Variants in UVRAG observed in about 807,000 individuals in gnomAD.
UVRAG encodes UV radiation resistance associated, also known as UV radiation resistance-associated gene protein.
Under a neutral mutation model 78.0 loss-of-function variants are expected in UVRAG, and 19 were observed. The observed-to-expected ratio is 0.24, with a 90% confidence interval of 0.17 to 0.36. The LOEUF (loss-of-function observed/expected upper bound fraction) is 0.36, where lower values mean the gene tolerates loss of function less well. Ranked by LOEUF, UVRAG falls within the 10% of genes least tolerant of loss-of-function variation. The pLI, the probability that UVRAG is intolerant of heterozygous loss-of-function variation, is 1.00. For synonymous variants in UVRAG, 323 were observed against 324.6 expected (o/e 1.00, Z 0.05); for missense variants, 740 against 853.8 (o/e 0.87, Z 1.66).
At chr11:75,893,066 T>C (rs1947253381) in intron 5 of UVRAG, among the ~76,000 whole-genome samples, 1 of 150,970 alleles carries the variant, frequency 6.6e-6, no homozygotes, top group Admixed American at 6.6e-5. Context: ...TAATCCCAGC[T>C]ACTCTGAGGC....
At chr11:75,947,766 C>A (rs755722817) in intron 6 of UVRAG, among the ~76,000 whole-genome samples, 10 of 152,096 alleles carry the variant, frequency 6.6e-5, no homozygotes, top group Non-Finnish European at 8.8e-5. Flanking sequence ...GTGATTCTGC[C>A]ACTTACCAGC....
intron 2 of UVRAG, among the ~76,000 whole-genome samples, chr11:75,852,955 G>A (rs1946189016): frequency 6.6e-6 from 1 of 152,138 alleles, no homozygotes; most frequent in Non-Finnish European, 1.5e-5. Context: ...CTGTCAGCCA[G>A]GCTAGAGTAC....
intron 12 of UVRAG, among the ~76,000 whole-genome samples, chr11:76,035,275 CTG>C (rs1950512975): frequency 6.6e-6 from 1 of 152,084 alleles, no homozygotes; most frequent in Non-Finnish European, 1.5e-5. Flanking sequence ...ATTCTGGTTT[CTG>C]TATTGGTGGT....
chr11:76,099,027 C>T (rs927040635), intron 13 of UVRAG, among the ~76,000 whole-genome samples: 1 of 152,148 alleles, frequency 6.6e-6, no homozygotes, highest in African/African-American at 2.4e-5. Context: ...CACTCACTGG[C>T]CTCCTTTCCC....
intron 6 of UVRAG, among the ~76,000 whole-genome samples, chr11:75,948,709 A>G (rs1351359041): frequency 6.6e-6 from 1 of 152,176 alleles, no homozygotes; most frequent in Non-Finnish European, 1.5e-5. Context: ...CTAGAAGTAC[A>G]TATATGTTAA....
chr11:76,110,230 A>ATG lies in UVRAG; in HGVS notation c.1306-5692_1306-5691dup, dbSNP rs1370810316. Among the ~76,000 whole-genome samples the ATG allele has an allele frequency of 2.7e-5, 4 of 149,954 alleles. No homozygotes were observed. The East Asian group carries it at 7.8e-4, about 29-fold the overall frequency. ...CTGGTACATATATATATATATATAT[A>ATG]TGTATTAGTAATGATAACAGGTATT... On this transcript the variant is annotated intron_variant, in intron 13 of 14. Coordinates refer to ENST00000356136, the MANE Select transcript of UVRAG (RefSeq NM_003369.4).
Position 76,140,797 on chromosome 11 carries a change from G to T in UVRAG, c.1484G>T (p.Gly495Val). ...FGGADVGFSG[G>V]IPSPDKGHRK... Reference sequence around the variant, plus strand: ...GGTGCAGATGTAGGCTTCTCTGGGGGGATCCCTTCACCAGACAAAGGACAT... The same window carrying T: ...GGTGCAGATGTAGGCTTCTCTGGGGTGATCCCTTCACCAGACAAAGGACAT... The change falls in exon 15 of 15, where the codon GGG (glycine) becomes GTG (valine). Residue 495 changes from glycine to valine, a missense_variant. Physicochemically the swap from Gly to Val is moderately radical, Grantham distance 109 (BLOSUM62 -3). Coordinates refer to ENST00000356136, the MANE Select transcript of UVRAG (RefSeq NM_003369.4). 3 of 1,614,012 alleles carry T rather than the reference G, an allele frequency of 1.9e-6. No homozygotes were observed. The highest frequency in any genetic ancestry group is 1.7e-6 in the Non-Finnish European group (2 of 1,179,986).
intron 5 of UVRAG, among the ~76,000 whole-genome samples, chr11:75,905,942 C>T (rs1947605538): frequency 6.6e-6 from 1 of 151,820 alleles, no homozygotes; most frequent in Admixed American, 6.6e-5. Context: ...TGTGAGGGTT[C>T]TCATTTCTCC....
intron 8 of UVRAG, among the ~76,000 whole-genome samples, chr11:76,001,757 G>A (rs189156012): frequency 3.3e-5 from 5 of 152,228 alleles, no homozygotes; most frequent in Non-Finnish European, 5.9e-5. Flanking sequence ...AAATAATTAT[G>A]TACAGTAATG....
chr11:75,861,820 T>C (rs1216355030), intron 3 of UVRAG, 40 bp downstream of exon 3: 1 of 1,524,674 alleles, frequency 6.6e-7, no homozygotes, highest in African/African-American at 1.4e-5. Flanking sequence ...ACTAAGTATA[T>C]ACACCTGTTT....
chr11:75,918,210 C>CAAAAAA (rs67178910), intron 6 of UVRAG, among the ~76,000 whole-genome samples: 1 of 55,564 alleles, frequency 1.8e-5, no homozygotes, highest in Non-Finnish European at 4.4e-5. Context: ...ACTAAAAATA[C>CAAAAAA]AAAAAAAAAA....
At chr11:75,839,966 G>A (rs951239904) in intron 1 of UVRAG, among the ~76,000 whole-genome samples, 9 of 151,880 alleles carry the variant, frequency 5.9e-5, no homozygotes, top group African/African-American at 2.2e-4. Flanking sequence ...GATCTTGTTT[G>A]ATCTATATGC....
chr11:75,974,968 A>G (rs978766792), intron 7 of UVRAG, among the ~76,000 whole-genome samples: 1 of 152,144 alleles, frequency 6.6e-6, no homozygotes, highest in Admixed American at 6.5e-5. Flanking sequence ...TTTGTCCTGA[A>G]TGGTATTGCC....
At chr11:75,908,680 C>A (rs1947669797) in intron 5 of UVRAG, among the ~76,000 whole-genome samples, 1 of 133,814 alleles carries the variant, frequency 7.5e-6, no homozygotes, top group Non-Finnish European at 1.6e-5. Context: ...AATAATTGGT[C>A]AAATTCACCA....
chr11:76,085,348 A>G (rs1284759647), intron 13 of UVRAG, among the ~76,000 whole-genome samples: 1 of 152,110 alleles, frequency 6.6e-6, no homozygotes, highest in Admixed American at 6.5e-5. Flanking sequence ...TAAAGTATAA[A>G]TTGTGCTGGG....
intron 13 of UVRAG, among the ~76,000 whole-genome samples, chr11:76,071,910 C>T (rs1028301188): frequency 2.0e-5 from 3 of 152,064 alleles, no homozygotes; most frequent in Admixed American, 6.6e-5. Context: ...GTGGGGCAAC[C>T]AAAAGATCTT....
At chr11:76,069,210 T>A (rs1488412711) in intron 13 of UVRAG, among the ~76,000 whole-genome samples, 1 of 152,202 alleles carries the variant, frequency 6.6e-6, no homozygotes, top group East Asian at 1.9e-4. Context: ...AGACAGGCCT[T>A]CAAGTAGAAA....
chr11:76,033,484 A>T (rs546275670), intron 12 of UVRAG, among the ~76,000 whole-genome samples: 1 of 152,266 alleles, frequency 6.6e-6, no homozygotes, highest in East Asian at 1.9e-4. Context: ...TTGAATTTAG[A>T]AAGGATTTCT....
chr11:75,880,065 G>T, intron 4 of UVRAG, 25 bp downstream of exon 4: 1 of 1,611,196 alleles, frequency 6.2e-7, no homozygotes, highest in South Asian at 1.1e-5. Flanking sequence ...GTAGTTTCAA[G>T]TAGTTGTCAT....
Sources: gnomAD v4.1 joint callset for allele counts (sites outside exome capture counted in the v4.1 genomes callset) on GRCh38, gnomAD v4.1.1 for gene constraint, MANE v1.5 for transcripts, NCBI Gene and HGNC (gene_info 2026-07-23, HGNC 2026-07-21) for gene names.